The following TAF4 variants were observed in gnomAD, a reference collection of about 807,000 sequenced individuals.
TAF4 encodes the protein transcription initiation factor TFIID subunit 4.
TAF4 carries 9 observed loss-of-function variants against 90.3 expected under a neutral mutation model. The ratio of observed to expected loss-of-function variants is 0.10; its 90% confidence interval spans 0.06 to 0.17. The LOEUF (loss-of-function observed/expected upper bound fraction) is 0.17, where lower values mean the gene tolerates loss of function less well. Ranked by LOEUF, TAF4 falls within the 10% of genes least tolerant of loss-of-function variation. The pLI is 1.00. For synonymous variants in TAF4, 818 were observed against 638.9 expected (o/e 1.28, Z -4.23); for missense variants, 1,351 against 1,370.7 (o/e 0.99, Z 0.23).
At chr20:62,003,089 G>T in intron 9 of TAF4, 71 bp downstream of exon 9, 2 of 1,360,392 alleles carry the variant, frequency 1.5e-6, no homozygotes, top group South Asian at 2.4e-5. Flanking sequence ...GGCGGGAATG[G>T]AGCAGCACGG....
At chr20:62,003,611 A>T in intron 8 of TAF4, 120 bp downstream of exon 8, 1 of 1,177,898 alleles carries the variant, frequency 8.5e-7, no homozygotes, top group Non-Finnish European at 1.2e-6. Flanking sequence ...TGAACTAGAT[A>T]CTTAAAATGG....
In TAF4 at chr20:62,064,925, C is replaced by A; in HGVS notation, c.886G>T (p.Ala296Ser). ...HPAGPPTAAP[A>S]VPPPAAAQNG... ...TGGGCGGCGGCGGGGGGCGGCACGG[C>A]GGGCGCGGCGGTCGGGGGTCCGGCG... The change falls in exon 1 of 15, where the codon GCC becomes TCC. Residue 296 changes from alanine to serine, a missense_variant. Physicochemically the swap from Ala to Ser is moderately conservative, Grantham distance 99. This residue lies in a region of TAF4 where 782 missense variants were observed against 536.6 expected (regional missense o/e 1.46). Coordinates refer to ENST00000252996, the MANE Select transcript of TAF4 (RefSeq NM_003185.4). The A allele has an allele frequency of 8.6e-6, 5 of 578,496 alleles. No individual in the cohort carries two copies. Among genetic ancestry groups the A allele is most frequent in the Non-Finnish European group, 1.1e-5 (5 of 472,812 alleles). 35.8% of individuals were successfully genotyped at this position (578,496 alleles called of 1,614,324 possible). A position where few individuals can be genotyped will look rare whatever the true frequency, so the allele number is the denominator to read the frequency against.
At chr20:62,007,735 G>A (rs1490118162) in intron 5 of TAF4, 99 bp from the exon 6 acceptor site, 8 of 1,175,560 alleles carry the variant, frequency 6.8e-6, no homozygotes, top group Admixed American at 6.5e-5. Flanking sequence ...GGCTGATTCC[G>A]CCCCGAGTTT....
At chr20:62,001,444 C>T (rs1035831285) in intron 9 of TAF4, among the ~76,000 whole-genome samples, 1 of 152,262 alleles carries the variant, frequency 6.6e-6, no homozygotes, top group East Asian at 1.9e-4. Context: ...CTCTTCCAGG[C>T]TGACTTCGGC....
intron 14 of TAF4, among the ~76,000 whole-genome samples, chr20:61,988,276 G>A (rs2055607897): frequency 6.6e-6 from 1 of 152,162 alleles, no homozygotes; most frequent in African/African-American, 2.4e-5. Flanking sequence ...GCCAAGCGGG[G>A]GAGGCTGTGC....
At chr20:61,989,686 C>G (rs1191192561) in intron 14 of TAF4, among the ~76,000 whole-genome samples, 1 of 131,916 alleles carries the variant, frequency 7.6e-6, no homozygotes, top group Admixed American at 7.6e-5. Flanking sequence ...ATCCCGGCAC[C>G]CACAGCACTG....
At chr20:61,997,892 T>A (rs2055673133) in intron 13 of TAF4, among the ~76,000 whole-genome samples, 1 of 152,192 alleles carries the variant, frequency 6.6e-6, no homozygotes, top group Non-Finnish European at 1.5e-5. Context: ...TATACGCAAG[T>A]CAAAAGCACA....
chr20:62,056,868 A>G (rs2056067524), intron 1 of TAF4, among the ~76,000 whole-genome samples: 1 of 152,182 alleles, frequency 6.6e-6, no homozygotes, highest in African/African-American at 2.4e-5. Context: ...TTACACTTAC[A>G]GTTACATAAA....
chr20:62,032,541 C>T (rs28382028), intron 1 of TAF4, among the ~76,000 whole-genome samples: 2,313 of 152,324 alleles, frequency 0.015, 63 homozygotes, highest in African/African-American at 0.052. Context: ...CGGTGGCCCA[C>T]CAGGGCCTCG....
chr20:62,047,064 G>A (rs2055997556), intron 1 of TAF4, among the ~76,000 whole-genome samples: 1 of 152,158 alleles, frequency 6.6e-6, no homozygotes, highest in African/African-American at 2.4e-5. Context: ...TAATTTTGAA[G>A]TCCTATGTAT....
intron 14 of TAF4, among the ~76,000 whole-genome samples, chr20:61,976,651 C>T (rs148309097): frequency 2.0e-4 from 31 of 152,348 alleles, no homozygotes; most frequent in African/African-American, 6.5e-4. Context: ...AATGGCTGAG[C>T]GGCCCCAGGG....
At chr20:62,028,296 T>A (rs936959175) in intron 1 of TAF4, among the ~76,000 whole-genome samples, 2 of 152,254 alleles carry the variant, frequency 1.3e-5, no homozygotes, top group African/African-American at 4.8e-5. Flanking sequence ...AATTGAATTC[T>A]CTTTAAGTTA....
At position 62,006,819 on chromosome 20, in the gene TAF4, T is replaced by C. The variant is rs942495685; in HGVS notation, c.1975-61A>G. On this transcript the variant is annotated intron_variant, in intron 6 of 14. Coordinates refer to ENST00000252996, the MANE Select transcript of TAF4 (RefSeq NM_003185.4). This position sits in a 1 kb window ranked among gnomAD's most constrained non-coding sequence, Gnocchi z 7.0. ...TGCTCATGCGTCGGTTTTCCTTGCT[T>C]AAAAATTCAGAAATATCAACTTTTA... 10 of 1,410,652 alleles carry C rather than the reference T, an allele frequency of 7.1e-6. No homozygotes were observed. The African/African-American group carries it at 1.5e-4, about 21-fold the overall frequency. 87.4% of individuals were successfully genotyped at this position (1,410,652 alleles called of 1,614,324 possible).
intron 2 of TAF4, among the ~76,000 whole-genome samples, chr20:62,014,019 G>GGTGTGGGTGT (rs1180312447): frequency 1.6e-5 from 2 of 126,450 alleles, no homozygotes; most frequent in African/African-American, 7.6e-5. Flanking sequence ...CGGGGGTGTG[G>GGTGTGGGTGT]GTGTGTGTGT....
intron 1 of TAF4, among the ~76,000 whole-genome samples, chr20:62,060,299 G>GT (rs1374890797): frequency 2.0e-5 from 3 of 152,246 alleles, no homozygotes; most frequent in Admixed American, 6.5e-5. Context: ...CAGGGCAACC[G>GT]TAACGAACTT....
At chr20:62,027,530 T>C (rs945368575) in intron 1 of TAF4, among the ~76,000 whole-genome samples, 1 of 152,198 alleles carries the variant, frequency 6.6e-6, no homozygotes, top group African/African-American at 2.4e-5. Flanking sequence ...AATGCACAGG[T>C]GTGCTGTGCC....
At chr20:62,004,008 C>T (rs879485605) in intron 7 of TAF4, 130 bp from the exon 8 acceptor site, 2 of 1,178,156 alleles carry the variant, frequency 1.7e-6, no homozygotes, top group Non-Finnish European at 2.3e-6. Flanking sequence ...CTAGGAAGAC[C>T]CCGTGTGCAG....
Position 62,052,924 on chromosome 20 carries a change from C to T in TAF4, c.1360+11527G>A, listed in dbSNP as rs982799338. Among the ~76,000 whole-genome samples, 8 of 151,992 alleles carry T rather than the reference C, an allele frequency of 5.3e-5. No homozygotes were observed. In the East Asian group the frequency reaches 9.7e-4, roughly 18 times the overall value. Reference sequence around the variant, plus strand: ...TACCATCAGGTCCCTCACACCACCCCACAAAACGCCATTTCCTTCACACCA... The same window carrying T: ...TACCATCAGGTCCCTCACACCACCCTACAAAACGCCATTTCCTTCACACCA... On this transcript the variant is annotated intron_variant, in intron 1 of 14. Coordinates refer to ENST00000252996, the MANE Select transcript of TAF4 (RefSeq NM_003185.4).
intron 9 of TAF4, 28 bp downstream of exon 9, chr20:62,003,132 C>T (rs1312552969): frequency 6.3e-7 from 1 of 1,591,054 alleles, no homozygotes; most frequent in Admixed American, 1.7e-5. Flanking sequence ...GGCCACGCTT[C>T]TCCAACGTAC....
Sources: allele counts gnomAD v4.1 joint callset (sites outside exome capture counted in the v4.1 genomes callset), GRCh38; gene constraint gnomAD v4.1.1; regional missense constraint gnomAD v4.1.1; non-coding constraint Gnocchi (gnomAD v3.1); transcripts MANE v1.5; gene names NCBI Gene and HGNC (gene_info 2026-07-23, HGNC 2026-07-21).